ELF2: variants seen among roughly 807,000 people sequenced by gnomAD.
ELF2 encodes the protein ETS-related transcription factor Elf-2.
ELF2 carries 11 observed loss-of-function variants against 54.8 expected under a neutral mutation model. The ratio of observed to expected loss-of-function variants is 0.20; its 90% CI spans 0.13 to 0.33. The LOEUF (loss-of-function observed/expected upper bound fraction) is 0.33. Ranked by LOEUF, ELF2 falls within the 10% of genes least tolerant of loss-of-function variation. The pLI is 1.00. For synonymous variants in ELF2, 203 were observed against 245.1 expected (o/e 0.83, Z 1.61); for missense variants, 513 against 703.0 (o/e 0.73, Z 3.06).
chr4:139,096,257 CT>C, intron 4 of ELF2, among the ~76,000 whole-genome samples: 1 of 151,940 alleles, frequency 6.6e-6, no homozygotes, highest in East Asian at 1.9e-4. Context: ...TTTTACTATT[CT>C]TTTGTGATAG....
At chr4:139,127,824 G>A (rs1737076375) in intron 3 of ELF2, among the ~76,000 whole-genome samples, 1 of 151,996 alleles carries the variant, frequency 6.6e-6, no homozygotes, top group African/African-American at 2.4e-5. Context: ...AATTAGCCAG[G>A]CATGGTTGCA....
rs534742797 is a variant in ELF2 at position 139,104,126 on chromosome 4, A to G, written c.238+21038T>C. ...ATAGGACTTCTTTCATTTAAAAACA[A>G]AAACAAACAACAACAAAAAACTGTT... On this transcript the variant is annotated intron_variant, in intron 4 of 9. Coordinates refer to ENST00000686138, the MANE Select transcript of ELF2 (RefSeq NM_001331036.3). Among the ~76,000 whole-genome samples, 15 of 152,346 alleles carry G rather than the reference A, an allele frequency of 9.8e-5. No homozygotes were observed. In the South Asian group the frequency reaches 2.7e-3, roughly 27 times the overall value.
At chr4:139,120,611 A>T (rs1271339123) in intron 4 of ELF2, among the ~76,000 whole-genome samples, 1 of 136,284 alleles carries the variant, frequency 7.3e-6, no homozygotes, top group Non-Finnish European at 1.6e-5. Flanking sequence ...GCTAATTTTT[A>T]AATTTTTTTT....
intron 4 of ELF2, among the ~76,000 whole-genome samples, chr4:139,080,800 A>C (rs1560783000): frequency 6.6e-6 from 1 of 152,122 alleles, no homozygotes; most frequent in Non-Finnish European, 1.5e-5. Context: ...TATTAATTAG[A>C]CTATATTACA....
intron 4 of ELF2, among the ~76,000 whole-genome samples, chr4:139,089,476 C>T (rs1732355860): frequency 6.6e-6 from 1 of 152,170 alleles, no homozygotes; most frequent in Non-Finnish European, 1.5e-5. Flanking sequence ...AAACTGCTAT[C>T]ATGAGTTTGG....
intron 4 of ELF2, among the ~76,000 whole-genome samples, chr4:139,076,959 G>C (rs944543847): frequency 6.6e-6 from 1 of 151,754 alleles, no homozygotes; most frequent in African/African-American, 2.4e-5. Flanking sequence ...TTAAATTTAC[G>C]ATGACAACAT....
chr4:139,115,035 G>A, intron 4 of ELF2: 1 of 1,613,898 alleles, frequency 6.2e-7, no homozygotes, highest in African/African-American at 1.3e-5. Context: ...GCAGCTCCTT[G>A]ACCGTGGCAG....
At chr4:139,096,250 T>C (rs147843844) in intron 4 of ELF2, among the ~76,000 whole-genome samples, 1 of 152,356 alleles carries the variant, frequency 6.6e-6, no homozygotes, top group East Asian at 1.9e-4. Flanking sequence ...TTCCCTCTTT[T>C]ACTATTCTTT....
At chr4:139,139,915 TAAAAC>T (rs543770697) in intron 1 of ELF2, among the ~76,000 whole-genome samples, 38 of 152,018 alleles carry the variant, frequency 2.5e-4, no homozygotes, top group Non-Finnish European at 4.3e-4. Context: ...AAAACTACTA[TAAAAC>T]AATGTTTAAG....
intron 3 of ELF2, among the ~76,000 whole-genome samples, chr4:139,135,263 GTGTGTGTGTGTGTGTGTA>G (rs1738023051): frequency 6.9e-6 from 1 of 144,524 alleles, no homozygotes; most frequent in Non-Finnish European, 1.5e-5. Flanking sequence ...GTGTGTGTGT[GTGTGTGTGTGTGTGTGTA>G]TATATGAATG....
intron 1 of ELF2, among the ~76,000 whole-genome samples, chr4:139,173,007 T>C (rs990103257): frequency 6.7e-6 from 1 of 150,076 alleles, no homozygotes; most frequent in African/African-American, 2.4e-5. Context: ...TTATGCTAAG[T>C]GAAAGAAGCC....
chr4:139,110,382 G>A (rs1198684257), intron 4 of ELF2, among the ~76,000 whole-genome samples: 1 of 152,050 alleles, frequency 6.6e-6, no homozygotes, highest in African/African-American at 2.4e-5. Context: ...GTTTGAGAAT[G>A]GCCATGGAAT....
At chr4:139,070,018 T>TA (rs781357836) in intron 6 of ELF2, among the ~76,000 whole-genome samples, 1 of 151,258 alleles carries the variant, frequency 6.6e-6, no homozygotes, top group Non-Finnish European at 1.5e-5. Context: ...TTTTTTTTTT[T>TA]ATTCCTCGAG....
intron 4 of ELF2, among the ~76,000 whole-genome samples, chr4:139,100,900 T>C (rs908283336): frequency 6.6e-6 from 1 of 151,946 alleles, no homozygotes; most frequent in Non-Finnish European, 1.5e-5. Context: ...ACAGGCTGAT[T>C]AGAAGGCCAA....
chr4:139,061,644 A>G (rs1727874166), intron 8 of ELF2, among the ~76,000 whole-genome samples: 1 of 152,212 alleles, frequency 6.6e-6, no homozygotes. Flanking sequence ...TAAGTACAAA[A>G]GCACATTTTC....
chr4:139,120,675 C>T lies in ELF2; in HGVS notation c.238+4489G>A, dbSNP rs911653959. Among the ~76,000 whole-genome samples, 38 of 152,108 alleles carry T rather than the reference C, an allele frequency of 2.5e-4. No individual in the cohort carries two copies. In the Middle Eastern group the frequency reaches 0.01, roughly 41 times the overall value. Reference sequence around the variant, plus strand: ...CAGGCTGGTCTTGAATTCCTGGCCTCAAGAGATCCTCCCACCTCTGCCTCT... The same window carrying T: ...CAGGCTGGTCTTGAATTCCTGGCCTTAAGAGATCCTCCCACCTCTGCCTCT... On this transcript the variant is annotated intron_variant, in intron 4 of 9. Transcript: ENST00000686138.
Position 139,060,335 on chromosome 4 carries a change from T to C in ELF2, c.1146A>G (p.Thr382=). The C allele has an allele frequency of 6.3e-7, 1 of 1,598,468 alleles. No homozygotes were observed. Among genetic ancestry groups the C allele is most frequent in the East Asian group, 2.2e-5 (1 of 44,686 alleles). ...TTTGCTTCACTTACCTTGGAGCTGC[T>C]GTTGCTGACACAGATGCAGTGGTAG... ...SPTTTASVSA[T]AAPRTVRVAM... is the part of the protein sequence containing the mutation. The change falls in exon 9 of 10, where the codon ACA becomes ACG. Residue 382 remains threonine, a synonymous_variant. Transcript: ENST00000686138.
chr4:139,072,140 T>C, intron 5 of ELF2, 101 bp from the exon 6 acceptor site: 2 of 1,190,492 alleles, frequency 1.7e-6, no homozygotes, highest in Non-Finnish European at 2.4e-6. Context: ...TAAGAATTAA[T>C]CAAAGCAGGA....
chr4:139,091,484 G>C (rs1732569860), intron 4 of ELF2, among the ~76,000 whole-genome samples: 1 of 151,970 alleles, frequency 6.6e-6, no homozygotes, highest in Admixed American at 6.6e-5. Flanking sequence ...AAATGAAATA[G>C]AAAATAGTAA....
Sources: gnomAD v4.1 joint callset for allele counts (sites outside exome capture counted in the v4.1 genomes callset) on GRCh38, gnomAD v4.1.1 for gene constraint, MANE v1.5 for transcripts, NCBI Gene and HGNC (gene_info 2026-07-23, HGNC 2026-07-21) for gene names.